The following TNC variants were observed in gnomAD, a reference collection of about 807,000 sequenced individuals.
TNC encodes tenascin C, also known as tenascin.
Under a neutral mutation model 202.4 loss-of-function variants are expected in TNC, and 109 were observed. That is an observed-to-expected ratio of 0.54 (90% CI 0.46 to 0.63). TNC has a LOEUF of 0.63. Among genes scored for constraint, TNC ranks in the 30% least tolerant of loss-of-function variants. TNC has a pLI of 0.00. For missense variants in TNC, 2,756 were observed against 2,833.3 expected, an observed-to-expected ratio of 0.97 and a Z score of 0.62; for synonymous variants, 1,007 against 1,089.7, an observed-to-expected ratio of 0.92 and a Z score of 1.50.
intron 10 of TNC, among the ~76,000 whole-genome samples, chr9:115,068,271 A>G (rs1833103537): frequency 6.6e-6 from 1 of 152,214 alleles, no homozygotes; most frequent in African/African-American, 2.4e-5. Flanking sequence ...TCTACCCTTG[A>G]ACAATGTCAG....
At position 115,090,753 on chromosome 9, in the gene TNC, T is replaced by C. The variant is rs1835159965; in HGVS notation, c.266A>G (p.Glu89Gly). 2.5e-6 allele frequency: 4 copies of C among 1,614,224 alleles called. No homozygotes were observed. The highest frequency in any genetic ancestry group is 3.4e-6 in the Non-Finnish European group (4 of 1,180,038). ...CTGGTTTTCCCCATCCACTGTGTGC[T>C]CCTGAAAGCTTTCGCTGGGCTCTGA... is the stretch of plus-strand genomic sequence containing the variant. ...PPSEPSESFQ[E>G]HTVDGENQIV... Residue 89 changes from glutamate to glycine, a missense_variant, in exon 2 of 28, where the codon GAG becomes GGG. By Grantham distance (98) the Glu-to-Gly change is moderately conservative. Transcript: ENST00000350763.
chr9:115,036,055 G>A, intron 21 of TNC, 43 bp downstream of exon 21: 2 of 1,608,314 alleles, frequency 1.2e-6, no homozygotes, highest in Middle Eastern at 1.7e-4. Flanking sequence ...CTGTGGGTGG[G>A]CACCCCAGAA....
At chr9:115,025,036 A>G (rs1271513010) in intron 26 of TNC, among the ~76,000 whole-genome samples, 1 of 152,232 alleles carries the variant, frequency 6.6e-6, no homozygotes, top group South Asian at 2.1e-4. Context: ...TTAATGAAAC[A>G]GGATGCTCTC....
intron 24 of TNC, 103 bp downstream of exon 24, chr9:115,030,151 T>A (rs1024089124): frequency 2.5e-6 from 3 of 1,215,812 alleles, no homozygotes; most frequent in Non-Finnish European, 3.4e-6. Flanking sequence ...CACATGGGGG[T>A]GTCAGAGTGC....
intron 6 of TNC, among the ~76,000 whole-genome samples, chr9:115,080,693 T>G (rs977858526): frequency 6.6e-6 from 1 of 152,050 alleles, no homozygotes; most frequent in Non-Finnish European, 1.5e-5. Context: ...GGTGGATCAC[T>G]TGAGGTCAGG....
chr9:115,052,475 C>CAATA (rs200189324), intron 15 of TNC, among the ~76,000 whole-genome samples: 16,348 of 147,950 alleles, frequency 0.11, 1,058 homozygotes, highest in African/African-American at 0.18. Context: ...TCTCACAGCA[C>CAATA]AATAAATAAA....
chr9:115,111,163 G>A (rs1158948945), intron 1 of TNC, among the ~76,000 whole-genome samples: 21 of 152,176 alleles, frequency 1.4e-4, no homozygotes, highest in Non-Finnish European at 2.9e-5. Flanking sequence ...GAGGTTGCCA[G>A]AAATTGGTGA....
chr9:115,085,943 A>G lies in TNC; in HGVS notation c.1788T>C (p.Ser596=), dbSNP rs1834681688. The stretch of plus-strand genomic sequence containing the variant: ...CGCATTGTCCTAAGTTGTTGCAGTC[A>G]CTGGGGCAGGAGTGCTGGCCACAGT... ...GLDCGQHSCP[S]DCNNLGQCVS... The change falls in exon 3 of 28, where the codon AGT becomes AGC. Residue 596 remains serine (S), a synonymous_variant. Transcript: ENST00000350763. 6.2e-7 allele frequency: 1 copy of G among 1,613,950 alleles called. No homozygotes were observed. The highest frequency in any genetic ancestry group is 8.5e-7 in the Non-Finnish European group (1 of 1,179,916).
At position 115,020,765 on chromosome 9, in the gene TNC, T is replaced by C. The variant is rs1187939708; in HGVS notation, c.*392A>G. ...TTCCAATGACACATTTAATCTTTGC[T>C]AACAAAAATAATGACAATTAATTAT... On this transcript the variant is annotated 3_prime_UTR_variant, in exon 28 of 28. Coordinates refer to ENST00000350763, the MANE Select transcript of TNC (RefSeq NM_002160.4). The C allele has an allele frequency of 3.9e-6, 1 of 255,724 alleles. No individual in the cohort carries two copies. The highest frequency in any genetic ancestry group is 7.8e-6 in the Non-Finnish European group (1 of 127,734). The allele number at this position is 255,724 out of a possible 1,614,324, so 15.8% of individuals were successfully genotyped here.
rs373543343 is a variant in TNC at position 115,064,812 on chromosome 9, C to T, written c.3322G>A (p.Val1108Met). 17 of 1,614,018 alleles carry T rather than the reference C, an allele frequency of 1.1e-5. No homozygotes were observed. In the African/African-American group the frequency reaches 2.3e-4, roughly 22 times the overall value. Reference protein sequence around the residue: ...DQAYEHFIIQVQEANKVEAAR... With the variant: ...DQAYEHFIIQMQEANKVEAAR... Reference sequence around the variant, plus strand: ...GCCTCCACCTTGTTGGCCTCCTGCACCTGAATGATAAAGTGCTCATAGGCC... The same window carrying T: ...GCCTCCACCTTGTTGGCCTCCTGCATCTGAATGATAAAGTGCTCATAGGCC... The change falls in exon 11 of 28, where the codon GTG becomes ATG. Residue 1108 changes from valine (V) to methionine (M), a missense_variant. By Grantham distance (21) the Val-to-Met change is conservative. Coordinates refer to ENST00000350763, the MANE Select transcript of TNC (RefSeq NM_002160.4).
At position 115,035,286 on chromosome 9, in the gene TNC, G is replaced by A; in HGVS notation, c.5705C>T (p.Thr1902Ile). 1 of 1,613,608 alleles carries A rather than the reference G, an allele frequency of 6.2e-7. No individual in the cohort carries two copies. Among genetic ancestry groups the A allele is most frequent in the Non-Finnish European group, 8.5e-7 (1 of 1,179,748 alleles). Residue 1902 changes from threonine to isoleucine, a missense_variant, in exon 22 of 28, where the codon ACT becomes ATT. Transcript: ENST00000350763. ...GGGGGGTCGCCAGGTAAGGAGGGCAGTTTCCGACTGAACCTCAGTAGCAGT... is the reference window on the plus strand; with the variant it reads ...GGGGGGTCGCCAGGTAAGGAGGGCAATTTCCGACTGAACCTCAGTAGCAGT... ...DLTATEVQSETALLTWRPPRA... is the reference protein window; with the variant it reads ...DLTATEVQSEIALLTWRPPRA...
chr9:115,020,713 TG>T lies in TNC; in HGVS notation c.*443del. 3.2e-6 allele frequency: 1 copy of T among 314,416 alleles called. No homozygotes were observed. Among genetic ancestry groups the T allele is most frequent in the Non-Finnish European group, 6.3e-6 (1 of 158,456 alleles). The allele number at this position is 314,416 out of a possible 1,614,324, so 19.5% of individuals were successfully genotyped here. ...ACAGTATTGCTTTTCTGGTTTCTGT[TG>T]TATGAAATGTAAAAAAAGGGATGGC... On this transcript the variant is annotated 3_prime_UTR_variant, in exon 28 of 28. Transcript: ENST00000350763.
Position 115,087,024 on chromosome 9 carries a change from C to T in TNC, c.707G>A (p.Cys236Tyr), listed in dbSNP as rs2133497386. The T allele has an allele frequency of 6.2e-7, 1 of 1,613,546 alleles. No homozygotes were observed. Among genetic ancestry groups the T allele is most frequent in the Non-Finnish European group, 8.5e-7 (1 of 1,179,538 alleles). Reference sequence around the variant, plus strand: ...CCCGGCGTAGCCTTCGAAACAGATGCAGACTCCATTTACGCACTTGCCCTG... The same window carrying T: ...CCCGGCGTAGCCTTCGAAACAGATGTAGACTCCATTTACGCACTTGCCCTG... The part of the protein sequence containing the change: ...NDQGKCVNGV[C>Y]ICFEGYAGAD... Residue 236 changes from cysteine (C) to tyrosine (Y), a missense_variant, in exon 3 of 28, where the codon TGC (cysteine) becomes TAC (tyrosine). By Grantham distance (194) the Cys-to-Tyr change is radical. Coordinates refer to ENST00000350763, the MANE Select transcript of TNC (RefSeq NM_002160.4).
At chr9:115,038,235 G>A in intron 20 of TNC, 26 bp downstream of exon 20, 1 of 1,610,600 alleles carries the variant, frequency 6.2e-7, no homozygotes, top group Middle Eastern at 1.7e-4. Context: ...TCCTTAGAGT[G>A]AGGAGAGACT....
chr9:115,062,860 A>G (rs1832652532), intron 13 of TNC, 57 bp downstream of exon 13: 1 of 1,565,742 alleles, frequency 6.4e-7, no homozygotes, highest in Non-Finnish European at 8.7e-7. Context: ...AATTTTCTCT[A>G]TTTCAATGAC....
rs999056718 is a variant in TNC, at chr9:115,081,755, T to A, written c.2404+17A>T. The stretch of plus-strand genomic sequence containing the variant: ...AATCAGCCTTATCATTCTATAAGTA[T>A]TAAAGGTGATACTCACGTGTGGTGG... On this transcript the variant is annotated intron_variant, in intron 6 of 27. Transcript: ENST00000350763. 6.2e-7 allele frequency: 1 copy of A among 1,613,810 alleles called. No individual in the cohort carries two copies. The highest frequency in any genetic ancestry group is 1.7e-5 in the Admixed American group (1 of 60,006).
rs1371875693 is a variant in TNC at position 115,021,010 on chromosome 9, C to T, written c.*147G>A. On this transcript the variant is annotated 3_prime_UTR_variant, in exon 28 of 28. Transcript: ENST00000350763. ...GAGGAGGTGAGGCCCATGCTGTTGC[C>T]GTTGGCCCCAGGGATCCATGGTCAG... is the stretch of plus-strand genomic sequence containing the variant. The T allele has an allele frequency of 1.3e-5, 8 of 609,456 alleles. No individual in the cohort carries two copies. The highest frequency in any genetic ancestry group is 2.0e-5 in the Non-Finnish European group (7 of 347,330). 37.8% of individuals were successfully genotyped at this position (609,456 alleles called of 1,614,324 possible).
At chr9:115,057,883 A>G (rs1832255985) in intron 14 of TNC, among the ~76,000 whole-genome samples, 1 of 152,242 alleles carries the variant, frequency 6.6e-6, no homozygotes, top group South Asian at 2.1e-4. Flanking sequence ...AGGAGCTCCC[A>G]TCTATTCAAA....
At position 115,046,567 on chromosome 9, in the gene TNC, A is replaced by G. The variant is rs779144936; in HGVS notation, c.4968T>C (p.Asp1656=). 9 of 1,613,920 alleles carry G rather than the reference A, an allele frequency of 5.6e-6. No homozygotes were observed. The highest frequency in any genetic ancestry group is 7.6e-6 in the Non-Finnish European group (9 of 1,179,970). Residue 1656 remains aspartate, a synonymous_variant, in exon 17 of 28, where the codon GAT becomes GAC. Coordinates refer to ENST00000350763, the MANE Select transcript of TNC (RefSeq NM_002160.4). ...CCAGTGGCTCAGACTGCTTTTTGGT[A>G]TCTCTGATTTTGAGAACAAAATTGT... The part of the protein sequence containing the change: ...VFDNFVLKIR[D]TKKQSEPLEI...
Sources: gnomAD v4.1 joint callset for allele counts (sites outside exome capture counted in the v4.1 genomes callset) on GRCh38, gnomAD v4.1.1 for gene constraint, MANE v1.5 for transcripts, NCBI Gene and HGNC (gene_info 2026-07-23, HGNC 2026-07-21) for gene names.